The following NEDD9 variants were observed in gnomAD, a reference collection of about 807,000 sequenced individuals.
NEDD9 encodes enhancer of filamentation 1.
Under a neutral mutation model 76.6 loss-of-function variants are expected in NEDD9, and 26 were observed. That is an observed-to-expected ratio of 0.34 (90% CI 0.25 to 0.47). NEDD9 has a LOEUF of 0.47. NEDD9 is among the 20% of genes least tolerant of loss of function. NEDD9 has a pLI of 1.00. For missense variants in NEDD9, 937 were observed against 1,058.5 expected, an observed-to-expected ratio of 0.89 and a Z score of 1.59; for synonymous variants, 392 against 414.2, an observed-to-expected ratio of 0.95 and a Z score of 0.65.
At chr6:11,349,746 A>G (rs1762429106) in intron 1 of NEDD9, among the ~76,000 whole-genome samples, 1 of 152,208 alleles carries the variant, frequency 6.6e-6, no homozygotes, top group Non-Finnish European at 1.5e-5. Context: ...ATGTGGGGAA[A>G]CAACACACAC....
intron 3 of NEDD9, among the ~76,000 whole-genome samples, chr6:11,291,170 C>CGGT (rs1486288048): frequency 6.6e-5 from 10 of 151,128 alleles, no homozygotes; most frequent in Admixed American, 6.6e-4. Context: ...CTTGCTACTG[C>CGGT]GGTTCACTGC....
chr6:11,272,414 T>C (rs575530139), intron 3 of NEDD9, among the ~76,000 whole-genome samples: 1 of 152,346 alleles, frequency 6.6e-6, no homozygotes, highest in Admixed American at 6.5e-5. Flanking sequence ...CTTCTACTTT[T>C]AAGGTTTCTG....
chr6:11,189,755 G>C (rs565707248), intron 5 of NEDD9, among the ~76,000 whole-genome samples: 1 of 152,288 alleles, frequency 6.6e-6, no homozygotes, highest in South Asian at 2.1e-4. Context: ...GTAAACGTCA[G>C]AGAAAGGGCT....
At chr6:11,330,583 A>G (rs531721691) in intron 2 of NEDD9, among the ~76,000 whole-genome samples, 3 of 152,184 alleles carry the variant, frequency 2.0e-5, no homozygotes, top group East Asian at 3.9e-4. Flanking sequence ...CAGCATTCTC[A>G]TCAGACTCAT....
intron 3 of NEDD9, among the ~76,000 whole-genome samples, chr6:11,289,989 A>G (rs183022959): frequency 2.9e-4 from 44 of 152,288 alleles, no homozygotes; most frequent in Admixed American, 5.9e-4. Context: ...GTCAGAGTTT[A>G]AAAAAATAGG....
rs138546756 is a variant in NEDD9 at position 11,366,660 on chromosome 6, C to T, written c.-214+15479G>A. The stretch of plus-strand genomic sequence containing the variant: ...TGCATTTTAGTCTGATGAAAACCAG[C>T]GTCTTCACACCAACAACGTGTGCTG... On this transcript the variant is annotated intron_variant, in intron 1 of 3. Coordinates refer to the NEDD9 transcript ENST00000397378. Among the ~76,000 whole-genome samples, 12 of 152,262 alleles carry T rather than the reference C, an allele frequency of 7.9e-5. No homozygotes were observed. In the South Asian group the frequency reaches 2.1e-3, roughly 26 times the overall value.
At chr6:11,225,241 AAACAT>A (rs754264798) in intron 1 of NEDD9, among the ~76,000 whole-genome samples, 16 of 152,374 alleles carry the variant, frequency 1.1e-4, no homozygotes, top group Admixed American at 1.3e-4. Context: ...CTGTGGGCAT[AAACAT>A]AACATTTCAT....
intron 2 of NEDD9, among the ~76,000 whole-genome samples, chr6:11,317,342 A>C (rs530817904): frequency 3.3e-5 from 5 of 151,968 alleles, no homozygotes; most frequent in Non-Finnish European, 7.4e-5. Context: ...CTGAGGAAGG[A>C]GAATTGCTTG....
intron 3 of NEDD9, among the ~76,000 whole-genome samples, chr6:11,256,489 T>C (rs767322327): frequency 3.9e-5 from 6 of 152,202 alleles, no homozygotes; most frequent in Non-Finnish European, 8.8e-5. Flanking sequence ...TAGTATTTAA[T>C]TTTTATTTAT....
At chr6:11,273,286 T>C (rs2142740) in intron 3 of NEDD9, among the ~76,000 whole-genome samples, 12,438 of 152,316 alleles carry the variant, frequency 0.082, 589 homozygotes, top group Middle Eastern at 0.15. Flanking sequence ...CTAATAGATA[T>C]ATTCTTGAAA....
chr6:11,286,909 G>A (rs1160527885), intron 3 of NEDD9, among the ~76,000 whole-genome samples: 2 of 152,012 alleles, frequency 1.3e-5, no homozygotes, highest in Non-Finnish European at 2.9e-5. Flanking sequence ...TTTTGGCGAT[G>A]GTTCCACCAG....
chr6:11,348,216 C>T (rs538030585), intron 1 of NEDD9, among the ~76,000 whole-genome samples: 1 of 152,270 alleles, frequency 6.6e-6, no homozygotes, highest in East Asian at 1.9e-4. Context: ...TAGGAAACAG[C>T]TAACCACGGA....
rs187629558 is a variant in NEDD9, at chr6:11,319,778, G to A, written c.-152-13623C>T. On this transcript the variant is annotated intron_variant, in intron 2 of 3. Coordinates refer to the NEDD9 transcript ENST00000397378. Reference sequence around the variant, plus strand: ...CATGCACACTAACATGCACACTCACGCACACTAACATGCACACTCACACAC... The same window carrying A: ...CATGCACACTAACATGCACACTCACACACACTAACATGCACACTCACACAC... Among the ~76,000 whole-genome samples the A allele has an allele frequency of 5.5e-3, 779 of 142,714 alleles. 5 individuals carry two copies. The highest frequency in any genetic ancestry group is 0.018 in the African/African-American group (688 of 38,362). 93.6% of individuals were successfully genotyped at this position (142,714 alleles called of 152,430 possible).
chr6:11,352,201 C>T (rs1035003267), intron 1 of NEDD9: 1 of 152,246 alleles, frequency 6.6e-6, no homozygotes, highest in African/African-American at 2.4e-5. Context: ...CTAATCCCTT[C>T]TCCATTTCTC....
intron 3 of NEDD9, among the ~76,000 whole-genome samples, chr6:11,288,789 T>TA (rs1264101944): frequency 1.3e-5 from 2 of 152,250 alleles, no homozygotes; most frequent in African/African-American, 4.8e-5. Context: ...CTCACTGACT[T>TA]ACAACCATAT....
At chr6:11,373,933 C>T (rs977559820) in intron 1 of NEDD9, among the ~76,000 whole-genome samples, 17 of 152,140 alleles carry the variant, frequency 1.1e-4, no homozygotes, top group African/African-American at 3.4e-4. Flanking sequence ...AGAGTGCCTT[C>T]GGACTCAAGT....
intron 1 of NEDD9, among the ~76,000 whole-genome samples, chr6:11,220,523 G>A (rs1210014025): frequency 2.6e-5 from 4 of 152,202 alleles, no homozygotes; most frequent in African/African-American, 9.7e-5. Context: ...GATGTGCTGT[G>A]GGGCAGCGCC....
At chr6:11,208,868 T>C (rs574460822) in intron 2 of NEDD9, among the ~76,000 whole-genome samples, 1 of 152,346 alleles carries the variant, frequency 6.6e-6, no homozygotes, top group South Asian at 2.1e-4. Flanking sequence ...AGGCTTTTGG[T>C]TTTGAACATT....
At chr6:11,211,104 G>C (rs550150070) in intron 2 of NEDD9, among the ~76,000 whole-genome samples, 8 of 152,158 alleles carry the variant, frequency 5.3e-5, no homozygotes, top group Non-Finnish European at 8.8e-5. Flanking sequence ...CCTCCTGCAG[G>C]ACTCATCTAC....
Sources: gnomAD v4.1 joint callset for allele counts (sites outside exome capture counted in the v4.1 genomes callset) on GRCh38, gnomAD v4.1.1 for gene constraint, MANE v1.5 for transcripts, NCBI Gene and HGNC (gene_info 2026-07-23, HGNC 2026-07-21) for gene names.